CALN1: variants seen among roughly 807,000 people sequenced by gnomAD.
The protein encoded by CALN1 is calcium-binding protein 8.
CALN1 carries 17 observed loss-of-function variants against 30.6 expected under a neutral mutation model. The ratio of observed to expected loss-of-function variants is 0.56; its 90% CI spans 0.38 to 0.83. The LOEUF (loss-of-function observed/expected upper bound fraction) is 0.83, where lower values mean the gene tolerates loss of function less well. Among genes scored for constraint, CALN1 ranks in the 40% least tolerant of loss-of-function variants. The pLI is 0.00. For missense variants in CALN1, 291 were observed against 354.9 expected (o/e 0.82, Z 1.45); for synonymous variants, 156 against 131.4 (o/e 1.19, Z -1.28).
the CALN1 span, among the ~76,000 whole-genome samples, chr7:72,473,881 A>T: frequency 6.6e-6 from 1 of 151,074 alleles, no homozygotes; most frequent in African/African-American, 2.4e-5. Context: ...GTGAGCCGAG[A>T]TCACACCACT....
At chr7:72,011,834 A>AC (rs1485361966) in intron 5 of CALN1, among the ~76,000 whole-genome samples, 24 of 151,960 alleles carry the variant, frequency 1.6e-4, no homozygotes, top group Non-Finnish European at 4.4e-5. Context: ...TTTTGTAGAG[A>AC]CAAAAAAATG....
At chr7:72,113,473 T>C (rs972764255) in intron 3 of CALN1, among the ~76,000 whole-genome samples, 3 of 152,234 alleles carry the variant, frequency 2.0e-5, no homozygotes, top group Admixed American at 6.5e-5. Context: ...ATAAATTATC[T>C]AGCTTCAGGT....
intron 5 of CALN1, among the ~76,000 whole-genome samples, chr7:72,023,167 T>G (rs1260298714): frequency 7.9e-5 from 12 of 152,174 alleles, no homozygotes; most frequent in Non-Finnish European, 1.8e-4. Flanking sequence ...GTTAGATGTT[T>G]GGAATTTCCT....
chr7:72,036,302 A>G (rs552659776), intron 4 of CALN1, among the ~76,000 whole-genome samples: 7 of 152,168 alleles, frequency 4.6e-5, no homozygotes, highest in Non-Finnish European at 1.0e-4. Context: ...GAAAGCTGAT[A>G]ATGTGTCTTG....
upstream of CALN1, among the ~76,000 whole-genome samples, chr7:72,448,988 A>G (rs1012391607): frequency 4.6e-5 from 7 of 152,054 alleles, no homozygotes; most frequent in African/African-American, 1.7e-4. Flanking sequence ...AGAGATCTCC[A>G]GGGTACGTGC....
intron 5 of CALN1, among the ~76,000 whole-genome samples, chr7:71,950,134 T>C (rs1468133709): frequency 1.3e-5 from 2 of 152,168 alleles, no homozygotes; most frequent in East Asian, 3.9e-4. Context: ...TTTTGTCCAA[T>C]TCTTTGTTCG....
At chr7:72,372,060 C>A (rs1415644663) in intron 2 of CALN1, among the ~76,000 whole-genome samples, 1 of 152,114 alleles carries the variant, frequency 6.6e-6, no homozygotes, top group Non-Finnish European at 1.5e-5. Context: ...TAGGTATTAG[C>A]AAAACAGGGA....
chr7:71,825,814 C>T (rs1788874789), intron 5 of CALN1, among the ~76,000 whole-genome samples: 1 of 152,026 alleles, frequency 6.6e-6, no homozygotes, highest in African/African-American at 2.4e-5. Context: ...AGGCTGTTCA[C>T]TCGAGGTCAG....
intron 2 of CALN1, among the ~76,000 whole-genome samples, chr7:72,334,684 T>C (rs1432391455): frequency 6.6e-6 from 1 of 152,138 alleles, no homozygotes; most frequent in Non-Finnish European, 1.5e-5. Context: ...GCTTTCAGAG[T>C]TCAGGGAAAG....
intron 4 of CALN1, among the ~76,000 whole-genome samples, chr7:72,097,332 A>T (rs2129540357): frequency 6.6e-6 from 1 of 152,344 alleles, no homozygotes; most frequent in East Asian, 1.9e-4. Context: ...AAAATGCAGA[A>T]ATCAGTCAAA....
At chr7:72,366,797 C>G (rs1803902756) in intron 2 of CALN1, among the ~76,000 whole-genome samples, 1 of 150,194 alleles carries the variant, frequency 6.7e-6, no homozygotes, top group South Asian at 2.1e-4. Context: ...ATGTATATGA[C>G]CTGGCAGTTT....
intron 5 of CALN1, among the ~76,000 whole-genome samples, chr7:71,903,324 A>T (rs1052680130): frequency 6.6e-6 from 1 of 152,206 alleles, no homozygotes; most frequent in African/African-American, 2.4e-5. Flanking sequence ...TATAGTAAAC[A>T]AAGCAGTATG....
upstream of CALN1, among the ~76,000 whole-genome samples, chr7:72,416,734 CAAAAAAAAAAAA>C (rs4029798): frequency 2.8e-4 from 22 of 77,696 alleles, no homozygotes; most frequent in Admixed American, 1.8e-3. Context: ...GACTCTGTCT[CAAAAAAAAAAAA>C]AAAAAAAAAA....
At chr7:72,380,858 A>G (rs143866445) in intron 2 of CALN1, among the ~76,000 whole-genome samples, 245 of 152,290 alleles carry the variant, frequency 1.6e-3, no homozygotes, top group African/African-American at 5.7e-3. Context: ...AAAAGAAACA[A>G]GTAAATTTTA....
intron 2 of CALN1, among the ~76,000 whole-genome samples, chr7:72,379,691 C>T (rs560866521): frequency 6.6e-6 from 1 of 152,390 alleles, no homozygotes; most frequent in East Asian, 1.9e-4. Context: ...TTTCTTCACA[C>T]TGCTTGAAAG....
chr7:71,926,185 A>C (rs1795262606), intron 5 of CALN1, among the ~76,000 whole-genome samples: 3 of 151,948 alleles, frequency 2.0e-5, no homozygotes, highest in Admixed American at 2.0e-4. Flanking sequence ...CCAACCCCCT[A>C]ACCACCACAG....
chr7:72,449,874 CAAAAA>C (rs71069071), upstream of CALN1, among the ~76,000 whole-genome samples: 13 of 52,318 alleles, frequency 2.5e-4, no homozygotes, highest in East Asian at 1.2e-3. Context: ...GACTCCGTCT[CAAAAA>C]AAAAAAAAAA....
intron 5 of CALN1, among the ~76,000 whole-genome samples, chr7:72,017,587 C>CA (rs1341950540): frequency 6.6e-6 from 1 of 152,060 alleles, no homozygotes; most frequent in Non-Finnish European, 1.5e-5. Flanking sequence ...GAGTATTGCC[C>CA]AAAAGTCCTG....
chr7:72,345,896 A>T (rs1802618006), intron 2 of CALN1, among the ~76,000 whole-genome samples: 1 of 152,192 alleles, frequency 6.6e-6, no homozygotes, highest in Admixed American at 6.5e-5. Context: ...TTTTAAATAT[A>T]ACGTGGCATT....
Sources: gnomAD v4.1 joint callset for allele counts (sites outside exome capture counted in the v4.1 genomes callset) on GRCh38, gnomAD v4.1.1 for gene constraint, MANE v1.5 for transcripts, NCBI Gene and HGNC (gene_info 2026-07-23, HGNC 2026-07-21) for gene names.